ZNF385D: variants seen among roughly 807,000 people sequenced by gnomAD.
ZNF385D encodes the protein zinc finger protein 659.
A neutral mutation model predicts 35.8 loss-of-function variants in ZNF385D; 15 were observed. The observed-to-expected ratio is 0.42, with a 90% CI of 0.28 to 0.64. The LOEUF (loss-of-function observed/expected upper bound fraction) is 0.64. Ranked by LOEUF, ZNF385D falls within the 30% of genes least tolerant of loss-of-function variation. The probability of loss-of-function intolerance (pLI) is 0.23; values close to 1 mark genes in which losing one functional copy is unlikely to be tolerated. For missense variants in ZNF385D, 474 were observed against 494.6 expected, an observed-to-expected ratio of 0.96 and a Z score of 0.39; for synonymous variants, 212 against 186.8, an observed-to-expected ratio of 1.13 and a Z score of -1.10.
chr3:21,997,485 A>G (rs146005948), intron 3 of ZNF385D, among the ~76,000 whole-genome samples: 16 of 152,146 alleles, frequency 1.1e-4, no homozygotes, highest in Non-Finnish European at 1.8e-4. Flanking sequence ...GTACCCTAGA[A>G]CTTAAAGTAT....
chr3:21,584,308 T>TCTAA (rs2063750969), intron 2 of ZNF385D, among the ~76,000 whole-genome samples: 1 of 152,284 alleles, frequency 6.6e-6, no homozygotes, highest in Non-Finnish European at 1.5e-5. Flanking sequence ...TCAAAAACTT[T>TCTAA]CTAACTGAAA....
intron 4 of ZNF385D, among the ~76,000 whole-genome samples, chr3:21,450,410 TTC>T (rs1178297826): frequency 2.6e-5 from 4 of 152,220 alleles, no homozygotes; most frequent in African/African-American, 9.6e-5. Flanking sequence ...ATGTATGTAT[TTC>T]TCTCTTTAAG....
At chr3:22,085,059 G>A (rs1212726956) in intron 3 of ZNF385D, among the ~76,000 whole-genome samples, 1 of 152,324 alleles carries the variant, frequency 6.6e-6, no homozygotes, top group East Asian at 1.9e-4. Flanking sequence ...CAGAATCTCT[G>A]CGACACATTT....
chr3:21,839,003 G>A (rs1252891557), intron 3 of ZNF385D, among the ~76,000 whole-genome samples: 3 of 151,806 alleles, frequency 2.0e-5, no homozygotes, highest in African/African-American at 7.3e-5. Flanking sequence ...AATTCACATT[G>A]GATGAATGAG....
chr3:22,059,555 T>C (rs1173303093), intron 3 of ZNF385D, among the ~76,000 whole-genome samples: 1 of 152,174 alleles, frequency 6.6e-6, no homozygotes, highest in Non-Finnish European at 1.5e-5. Flanking sequence ...GGGTTGGTGG[T>C]GGTGGTGGTG....
chr3:22,332,419 T>C (rs1694980511), intron 2 of ZNF385D, among the ~76,000 whole-genome samples: 1 of 152,178 alleles, frequency 6.6e-6, no homozygotes, highest in Admixed American at 6.5e-5. Context: ...ATTATTTGTA[T>C]ACAAATAAAA....
chr3:21,466,047 G>A (rs1022913286), intron 4 of ZNF385D, among the ~76,000 whole-genome samples: 4 of 152,154 alleles, frequency 2.6e-5, no homozygotes, highest in South Asian at 4.1e-4. Flanking sequence ...GAATGCACCC[G>A]ATTTTGTCTA....
intron 2 of ZNF385D, among the ~76,000 whole-genome samples, chr3:22,221,791 A>T (rs1161451678): frequency 6.6e-6 from 1 of 152,136 alleles, no homozygotes; most frequent in Non-Finnish European, 1.5e-5. Flanking sequence ...TTAAAACTAA[A>T]TTTAAATTTA....
chr3:22,129,321 A>T (rs1703635305), intron 3 of ZNF385D, among the ~76,000 whole-genome samples: 1 of 152,038 alleles, frequency 6.6e-6, no homozygotes, highest in Non-Finnish European at 1.5e-5. Flanking sequence ...GCCTGTTGTG[A>T]CTATTCCTTG....
chr3:21,835,485 AT>A (rs752899168), intron 3 of ZNF385D, among the ~76,000 whole-genome samples: 13 of 151,188 alleles, frequency 8.6e-5, no homozygotes, highest in Non-Finnish European at 1.5e-4. Context: ...TGGTAAACAC[AT>A]GTGATTCACA....
chr3:22,038,764 C>A (rs1037740674), intron 3 of ZNF385D, among the ~76,000 whole-genome samples: 9 of 151,724 alleles, frequency 5.9e-5, no homozygotes, highest in African/African-American at 2.2e-4. Context: ...TTCATACACA[C>A]TAAGGAAAAA....
intron 3 of ZNF385D, among the ~76,000 whole-genome samples, chr3:21,836,641 C>G (rs1695347603): frequency 6.6e-6 from 1 of 151,960 alleles, no homozygotes; most frequent in African/African-American, 2.4e-5. Context: ...CTATTGTAGC[C>G]AAAAAGAAAC....
intron 2 of ZNF385D, among the ~76,000 whole-genome samples, chr3:21,605,538 G>T (rs74373257): frequency 3.3e-5 from 5 of 152,100 alleles, no homozygotes; most frequent in African/African-American, 1.2e-4. Context: ...CAGAGGTGGC[G>T]TAAGCTAGTT....
chr3:22,213,792 A>T (rs375757474), intron 2 of ZNF385D, among the ~76,000 whole-genome samples: 53 of 152,204 alleles, frequency 3.5e-4, no homozygotes, highest in African/African-American at 1.2e-3. Flanking sequence ...TCTCAGGAAG[A>T]CTAACCATCA....
chr3:21,580,831 A>G (rs1194843260), intron 2 of ZNF385D, among the ~76,000 whole-genome samples: 1 of 151,960 alleles, frequency 6.6e-6, no homozygotes, highest in Non-Finnish European at 1.5e-5. Context: ...GTATATACAT[A>G]TTATTTCTGT....
chr3:21,629,178 C>A (rs1056002482), intron 2 of ZNF385D, among the ~76,000 whole-genome samples: 2 of 152,080 alleles, frequency 1.3e-5, no homozygotes, highest in Non-Finnish European at 2.9e-5. Flanking sequence ...GTGCACCCTT[C>A]TCTTTTCTTG....
intron 3 of ZNF385D, among the ~76,000 whole-genome samples, chr3:22,016,152 C>T (rs913122704): frequency 6.6e-6 from 1 of 152,064 alleles, no homozygotes; most frequent in African/African-American, 2.4e-5. Context: ...TTTTCTAGAT[C>T]AGAGTTTCCC....
rs967857026 is a variant in ZNF385D at position 22,238,882 on chromosome 3, A to G, written c.107-69847T>C. On this transcript the variant is annotated intron_variant, in intron 2 of 5. Transcript: ENST00000494108. ...GGAGTAGCTGGGATTACAGGCATGC[A>G]CCACTATGCAGTTATTTTTTCTTTT... 2.0e-5 allele frequency among the ~76,000 whole-genome samples: 3 copies of G among 150,134 alleles called. 1 individual carries two copies. The highest frequency in any genetic ancestry group is 5.0e-5 in the African/African-American group (2 of 40,362).
At chr3:21,565,483 G>C (rs1444323124) in intron 2 of ZNF385D, among the ~76,000 whole-genome samples, 2 of 152,116 alleles carry the variant, frequency 1.3e-5, no homozygotes, top group Non-Finnish European at 2.9e-5. Context: ...GGTTCAAGCA[G>C]CCCTCCCACT....
Sources: allele counts gnomAD v4.1 joint callset (sites outside exome capture counted in the v4.1 genomes callset), GRCh38; gene constraint gnomAD v4.1.1; transcripts MANE v1.5; gene names NCBI Gene and HGNC (gene_info 2026-07-23, HGNC 2026-07-21).